The following RHOG variants were observed in gnomAD, a reference collection of about 807,000 sequenced individuals.
RHOG encodes the protein ras homolog family member G, also known as rho-related GTP-binding protein RhoG.
A neutral mutation model predicts 12.3 loss-of-function variants in RHOG; 1 was observed. The ratio of observed to expected loss-of-function variants is 0.08; its 90% CI spans 0.03 to 0.39. RHOG has a LOEUF of 0.39. Ranked by LOEUF, RHOG falls within the 10% of genes least tolerant of loss-of-function variation. RHOG has a pLI of 0.99. For missense variants in RHOG, 114 were observed against 266.2 expected (o/e 0.43, Z 3.98); for synonymous variants, 129 against 116.0 (o/e 1.11, Z -0.72).
chr11:3,836,378 GAAAA>G (rs60712252), intron 1 of RHOG, among the ~76,000 whole-genome samples: 6 of 144,466 alleles, frequency 4.2e-5, no homozygotes, highest in African/African-American at 1.5e-4. Context: ...AAAAAAGAAA[GAAAA>G]AATCCATGCT....
intron 1 of RHOG, among the ~76,000 whole-genome samples, chr11:3,834,012 T>C (rs1332638837): frequency 1.3e-5 from 2 of 152,180 alleles, no homozygotes; most frequent in African/African-American, 4.8e-5. Flanking sequence ...AATCTCCACC[T>C]CCCGGGTTCA....
chr11:3,836,345 A>T (rs1290965104), intron 1 of RHOG, among the ~76,000 whole-genome samples: 2 of 137,676 alleles, frequency 1.5e-5, no homozygotes, highest in South Asian at 2.3e-4. Context: ...CCACAGAGCA[A>T]GACTCCATCT....
chr11:3,839,904 A>C (rs888328942), intron 1 of RHOG, among the ~76,000 whole-genome samples: 1 of 152,152 alleles, frequency 6.6e-6, no homozygotes, highest in Non-Finnish European at 1.5e-5. Context: ...ACCAAGACGA[A>C]CATGGGGCAG....
intron 1 of RHOG, chr11:3,837,873 G>T (rs1312022689): frequency 1.3e-5 from 2 of 152,258 alleles, no homozygotes; most frequent in Non-Finnish European, 2.9e-5. Context: ...TCATGATTTA[G>T]CACTGACATT....
intron 1 of RHOG, among the ~76,000 whole-genome samples, chr11:3,831,441 C>T (rs10767641): frequency 0.57 from 76,184 of 133,640 alleles, 19,161 homozygotes; most frequent in Middle Eastern, 0.6. Context: ...TGCGCGTGCA[C>T]GTGTGCATGC....
At chr11:3,837,590 A>G (rs1265633055) in intron 1 of RHOG, among the ~76,000 whole-genome samples, 3 of 152,168 alleles carry the variant, frequency 2.0e-5, no homozygotes, top group Non-Finnish European at 4.4e-5. Flanking sequence ...CCTTAATGCT[A>G]AAATAGAGCC....
chr11:3,829,773 G>A (rs760756065), intron 1 of RHOG, among the ~76,000 whole-genome samples: 12 of 151,994 alleles, frequency 7.9e-5, no homozygotes, highest in Non-Finnish European at 1.3e-4. Flanking sequence ...TTGAGACGGA[G>A]TCTTGCTCTG....
intron 1 of RHOG, among the ~76,000 whole-genome samples, chr11:3,828,770 A>G (rs55745091): frequency 0.12 from 17,976 of 151,168 alleles, 1,346 homozygotes; most frequent in East Asian, 0.25. Context: ...ACAGGCACCC[A>G]CCACCACGCC....
intron 1 of RHOG, among the ~76,000 whole-genome samples, chr11:3,829,248 A>T (rs1343831211): frequency 1.0e-5 from 1 of 95,286 alleles, no homozygotes; most frequent in East Asian, 2.2e-4. Flanking sequence ...GCAATGGGGA[A>T]ATTTTTTTTT....
At chr11:3,832,514 A>G (rs1294312683) in intron 1 of RHOG, among the ~76,000 whole-genome samples, 1 of 152,206 alleles carries the variant, frequency 6.6e-6, no homozygotes, top group East Asian at 1.9e-4. Flanking sequence ...GGCAGCATCA[A>G]GGAACCTGAC....
chr11:3,838,122 G>C (rs2090167579), intron 1 of RHOG, among the ~76,000 whole-genome samples: 2 of 152,222 alleles, frequency 1.3e-5, no homozygotes, highest in African/African-American at 4.8e-5. Flanking sequence ...GTATATAGAA[G>C]GAGTCTTCAG....
intron 1 of RHOG, among the ~76,000 whole-genome samples, chr11:3,839,602 AACACACACAC>A (rs112483411): frequency 2.1e-5 from 3 of 141,598 alleles, no homozygotes; most frequent in African/African-American, 5.3e-5. Context: ...CACACACGCA[AACACACACAC>A]ACACACACAC....
At chr11:3,834,791 GA>G (rs1207267440) in intron 1 of RHOG, among the ~76,000 whole-genome samples, 1 of 152,154 alleles carries the variant, frequency 6.6e-6, no homozygotes, top group Non-Finnish European at 1.5e-5. Flanking sequence ...GGGAGGGGAG[GA>G]ACGGACTCTT....
chr11:3,838,149 C>A (rs1275744484), intron 1 of RHOG, among the ~76,000 whole-genome samples: 1 of 152,210 alleles, frequency 6.6e-6, no homozygotes, highest in Non-Finnish European at 1.5e-5. Context: ...CCTGAGCCCC[C>A]TTCTTCATGT....
intron 1 of RHOG, among the ~76,000 whole-genome samples, chr11:3,831,448 A>G (rs2090128521): frequency 6.6e-6 from 1 of 152,126 alleles, no homozygotes; most frequent in African/African-American, 2.4e-5. Flanking sequence ...GCACGTGTGC[A>G]TGCAACGTCA....
At chr11:3,840,262 T>C (rs2090183043) in intron 1 of RHOG, among the ~76,000 whole-genome samples, 2 of 152,078 alleles carry the variant, frequency 1.3e-5, no homozygotes, top group Admixed American at 6.5e-5. Context: ...AAATACCTAC[T>C]GCTTGGCTCC....
At chr11:3,833,773 A>T (rs757599649) in intron 1 of RHOG, among the ~76,000 whole-genome samples, 29 of 152,106 alleles carry the variant, frequency 1.9e-4, no homozygotes, top group Non-Finnish European at 4.1e-4. Context: ...TTCCAGAGGG[A>T]TTTTCAATGT....
chr11:3,831,486 G>A (rs746074321), intron 1 of RHOG, among the ~76,000 whole-genome samples: 9 of 152,180 alleles, frequency 5.9e-5, no homozygotes, highest in African/African-American at 9.7e-5. Flanking sequence ...CCCTCAGACA[G>A]TGGGTCAGGG....
intron 1 of RHOG, among the ~76,000 whole-genome samples, chr11:3,836,229 C>T (rs80273407): frequency 0.013 from 1,889 of 151,088 alleles, 55 homozygotes; most frequent in African/African-American, 0.043. Flanking sequence ...GGTGGGATTA[C>T]GCCTGTAATC....
Sources: gnomAD v4.1 joint callset for allele counts (sites outside exome capture counted in the v4.1 genomes callset) on GRCh38, gnomAD v4.1.1 for gene constraint, MANE v1.5 for transcripts, NCBI Gene and HGNC (gene_info 2026-07-23, HGNC 2026-07-21) for gene names.